The following PLCB1 variants were observed in gnomAD, a reference collection of about 807,000 sequenced individuals.
PLCB1 encodes 1-phosphatidylinositol 4,5-bisphosphate phosphodiesterase beta-1.
A neutral mutation model predicts 161.8 loss-of-function variants in PLCB1; 46 were observed. That is an observed-to-expected ratio of 0.28 (90% confidence interval 0.22 to 0.36). The LOEUF (loss-of-function observed/expected upper bound fraction) is 0.36, where lower values mean the gene tolerates loss of function less well. Ranked by LOEUF, PLCB1 falls within the 10% of genes least tolerant of loss-of-function variation. The pLI is 1.00. For synonymous variants in PLCB1, 517 were observed against 503.7 expected, an observed-to-expected ratio of 1.03 and a Z score of -0.35; for missense variants, 1,016 against 1,472.5, an observed-to-expected ratio of 0.69 and a Z score of 5.07.
intron 31 of PLCB1, among the ~76,000 whole-genome samples, chr20:8,814,577 A>G (rs377484442): frequency 1.3e-3 from 191 of 145,290 alleles, no homozygotes; most frequent in Non-Finnish European, 1.6e-3. Flanking sequence ...ATGTACTTGC[A>G]TGTGTGTGTG....
At chr20:8,299,086 T>A (rs1164280192) in intron 2 of PLCB1, among the ~76,000 whole-genome samples, 1 of 152,098 alleles carries the variant, frequency 6.6e-6, no homozygotes, top group Non-Finnish European at 1.5e-5. Context: ...CTGCAAAACT[T>A]TCTAAAATCC....
intron 2 of PLCB1, among the ~76,000 whole-genome samples, chr20:8,245,237 A>G (rs761055875): frequency 6.6e-6 from 1 of 151,752 alleles, no homozygotes; most frequent in Admixed American, 6.6e-5. Context: ...GTCACAACCT[A>G]TGTGTGTCCT....
intron 3 of PLCB1, among the ~76,000 whole-genome samples, chr20:8,451,745 T>A (rs1216234450): frequency 6.6e-6 from 1 of 152,048 alleles, no homozygotes; most frequent in African/African-American, 2.4e-5. Context: ...CTCCTAGGAC[T>A]CTCTTTCTCT....
At chr20:8,699,322 G>C (rs1344820374) in intron 11 of PLCB1, among the ~76,000 whole-genome samples, 2 of 152,184 alleles carry the variant, frequency 1.3e-5, no homozygotes, top group African/African-American at 4.8e-5. Context: ...AGAGTACTGA[G>C]AAGCAAGAAT....
chr20:8,519,749 C>T (rs1361390794), intron 3 of PLCB1, among the ~76,000 whole-genome samples: 2 of 152,118 alleles, frequency 1.3e-5, no homozygotes, highest in Non-Finnish European at 2.9e-5. Context: ...CCAAAATTCC[C>T]ATGTGAAAAT....
At chr20:8,779,089 G>A (rs1204557993) in intron 27 of PLCB1, among the ~76,000 whole-genome samples, 1 of 152,080 alleles carries the variant, frequency 6.6e-6, no homozygotes, top group Admixed American at 6.5e-5. Flanking sequence ...AAATTAAGCC[G>A]ACAGTATTTC....
chr20:8,522,098 C>T (rs1056929403), intron 3 of PLCB1, among the ~76,000 whole-genome samples: 1 of 152,136 alleles, frequency 6.6e-6, no homozygotes, highest in African/African-American at 2.4e-5. Context: ...CTGCTACTAT[C>T]CCCATGCACC....
chr20:8,481,080 G>A (rs1183692190), intron 3 of PLCB1, among the ~76,000 whole-genome samples: 1 of 152,050 alleles, frequency 6.6e-6, no homozygotes, highest in Non-Finnish European at 1.5e-5. Context: ...CTCCAGCTTG[G>A]AGTAGACAGA....
At chr20:8,540,093 A>G (rs1333630891) in intron 3 of PLCB1, among the ~76,000 whole-genome samples, 2 of 152,230 alleles carry the variant, frequency 1.3e-5, no homozygotes, top group Admixed American at 6.5e-5. Context: ...GAGGCTAACA[A>G]GAATGATATC....
In PLCB1 at chr20:8,341,994, G is replaced by GA. The variant is rs879443659; in HGVS notation, c.178-29377dup. On this transcript the variant is annotated intron_variant, in intron 2 of 31. Coordinates refer to ENST00000338037, the MANE Select transcript of PLCB1 (RefSeq NM_015192.4). The stretch of plus-strand genomic sequence containing the variant: ...AGATCTGTGATATAAATCATTGACA[G>GA]AAAAAAAAAAACAGTGAATTAAGCT... 6.0e-3 allele frequency among the ~76,000 whole-genome samples: 859 copies of GA among 144,140 alleles called. 5 individuals are homozygous for GA. Among genetic ancestry groups the GA allele is most frequent in the African/African-American group, 0.014 (544 of 39,604 alleles). The allele number at this position is 144,140 out of a possible 152,430, so 94.6% of individuals were successfully genotyped here.
At chr20:8,433,510 T>C (rs1980151986) in intron 3 of PLCB1, among the ~76,000 whole-genome samples, 4 of 147,080 alleles carry the variant, frequency 2.7e-5, no homozygotes. Flanking sequence ...AATTTGCTTA[T>C]GTCACACTCT....
In PLCB1 at chr20:8,418,742, T is replaced by C. The variant is rs183453920; in HGVS notation, c.246+47292T>C. 1.6e-4 allele frequency among the ~76,000 whole-genome samples: 24 copies of C among 152,316 alleles called. No homozygotes were observed. The East Asian group carries it at 4.2e-3, about 27-fold the overall frequency. Reference sequence around the variant, plus strand: ...TTTATGGACTTATTTAATGGTAGTCTAATTTTCTTAAAGCACTAAACTCTA... The same window carrying C: ...TTTATGGACTTATTTAATGGTAGTCCAATTTTCTTAAAGCACTAAACTCTA... On this transcript the variant is annotated intron_variant, in intron 3 of 31. Transcript: ENST00000338037.
chr20:8,428,476 C>G (rs965176425), intron 3 of PLCB1, among the ~76,000 whole-genome samples: 2 of 152,314 alleles, frequency 1.3e-5, no homozygotes, highest in African/African-American at 4.8e-5. Flanking sequence ...CCACCTTGGC[C>G]TCCCAAAGTG....
chr20:8,496,672 T>C (rs1030031522), intron 3 of PLCB1, among the ~76,000 whole-genome samples: 1 of 152,186 alleles, frequency 6.6e-6, no homozygotes, highest in African/African-American at 2.4e-5. Flanking sequence ...TGGAGTTGGC[T>C]AAGAATGTCC....
At chr20:8,462,159 A>G (rs2122687964) in intron 3 of PLCB1, among the ~76,000 whole-genome samples, 1 of 152,302 alleles carries the variant, frequency 6.6e-6, no homozygotes, top group South Asian at 2.1e-4. Flanking sequence ...CTTCAAGAAA[A>G]TAAGAAAAAT....
chr20:8,292,802 G>C (rs1487273043), intron 2 of PLCB1, among the ~76,000 whole-genome samples: 3 of 152,086 alleles, frequency 2.0e-5, no homozygotes, highest in Non-Finnish European at 4.4e-5. Flanking sequence ...TACAAAAAGA[G>C]GTTTTTAATG....
At chr20:8,321,030 AAGAG>A (rs1251709912) in intron 2 of PLCB1, among the ~76,000 whole-genome samples, 4 of 142,428 alleles carry the variant, frequency 2.8e-5, no homozygotes, top group Non-Finnish European at 6.1e-5. Flanking sequence ...TAAAGAAAGA[AAGAG>A]AGAGAGGAGA....
intron 16 of PLCB1, 143 bp from the exon 17 acceptor site, chr20:8,727,166 A>G (rs1979983358): frequency 1.1e-5 from 6 of 553,554 alleles, no homozygotes; most frequent in Non-Finnish European, 1.9e-5. Context: ...TAGAAAAAAA[A>G]ATTAAATATT....
chr20:8,875,519 AAATAT>A (rs1490126691), intron 31 of PLCB1, among the ~76,000 whole-genome samples: 4 of 147,670 alleles, frequency 2.7e-5, no homozygotes, highest in African/African-American at 4.9e-5. Context: ...TTTTATATAT[AAATAT>A]AATATATTAA....
Sources: gnomAD v4.1 joint callset for allele counts (sites outside exome capture counted in the v4.1 genomes callset) on GRCh38, gnomAD v4.1.1 for gene constraint, MANE v1.5 for transcripts, NCBI Gene and HGNC (gene_info 2026-07-23, HGNC 2026-07-21) for gene names.